The following ARHGEF28 variants were observed in gnomAD, a reference collection of about 807,000 sequenced individuals.
ARHGEF28 encodes the protein 190 kDa guanine nucleotide exchange factor.
A neutral mutation model predicts 206.6 loss-of-function variants in ARHGEF28; 152 were observed. That is an observed-to-expected ratio of 0.74 (90% CI 0.64 to 0.84). The LOEUF (loss-of-function observed/expected upper bound fraction) is 0.84. ARHGEF28 is among the 40% of genes least tolerant of loss of function. The pLI is 0.00. For missense variants in ARHGEF28, 2,028 were observed against 2,073.2 expected (o/e 0.98, Z 0.42); for synonymous variants, 763 against 776.4 (o/e 0.98, Z 0.29).
intron 1 of ARHGEF28, among the ~76,000 whole-genome samples, chr5:73,635,243 T>TA (rs2112125274): frequency 6.6e-6 from 1 of 152,260 alleles, no homozygotes; most frequent in African/African-American, 2.4e-5. Flanking sequence ...CTCGGGAGGC[T>TA]AAGGCAGGAG....
At chr5:73,709,899 A>G (rs571323322) in intron 2 of ARHGEF28, among the ~76,000 whole-genome samples, 1 of 152,194 alleles carries the variant, frequency 6.6e-6, no homozygotes, top group Non-Finnish European at 1.5e-5. Context: ...TTTTGTGTGA[A>G]ACAATAGTTT....
intron 10 of ARHGEF28, among the ~76,000 whole-genome samples, chr5:73,837,268 G>A (rs1054066161): frequency 1.3e-5 from 2 of 151,924 alleles, no homozygotes; most frequent in African/African-American, 4.8e-5. Flanking sequence ...TGGATATTTT[G>A]ACAACATGAG....
chr5:73,909,891 C>T lies in ARHGEF28; in HGVS notation c.4641C>T (p.Gly1547=). 1.3e-6 allele frequency: 2 copies of T among 1,507,592 alleles called. No individual in the cohort carries two copies. The highest frequency in any genetic ancestry group is 2.2e-5 in the Admixed American group (1 of 44,794). The allele number at this position is 1,507,592 out of a possible 1,614,324, so 93.4% of individuals were successfully genotyped here. A position where few individuals can be genotyped will look rare whatever the true frequency, so the allele number is the denominator to read the frequency against. The change falls in exon 34 of 36, where the codon GGC becomes GGT. Residue 1547 remains glycine, a synonymous_variant. Transcript: ENST00000513042. ...RSLPAVLLPG[G]PEVMELNRSE... ...TGCCCGCGGTGCTCCTTCCGGGTGG[C>T]CCCGAGGTATGGACCTTCTGCGGTG...
chr5:73,722,043 C>A (rs1484988508), intron 2 of ARHGEF28, among the ~76,000 whole-genome samples: 1 of 152,164 alleles, frequency 6.6e-6, no homozygotes, highest in African/African-American at 2.4e-5. Flanking sequence ...CAATTATGAT[C>A]TTTTGCTGCT....
intron 4 of ARHGEF28, among the ~76,000 whole-genome samples, chr5:73,767,859 T>G (rs1441794562): frequency 6.6e-6 from 1 of 152,136 alleles, no homozygotes; most frequent in East Asian, 1.9e-4. Flanking sequence ...GCCCCTCCCA[T>G]TATAGGCCCA....
intron 7 of ARHGEF28, chr5:73,786,440 T>C (rs1182616173): frequency 6.6e-6 from 1 of 152,234 alleles, no homozygotes. Context: ...GCGTCTGGAC[T>C]GCTCGTCTAG....
chr5:73,777,382 A>G (rs1753600574), intron 6 of ARHGEF28, among the ~76,000 whole-genome samples: 1 of 152,128 alleles, frequency 6.6e-6, no homozygotes, highest in African/African-American at 2.4e-5. Flanking sequence ...TCCGGGGTCT[A>G]TTGAACACAC....
chr5:73,839,480 A>T (rs552569221), intron 10 of ARHGEF28, among the ~76,000 whole-genome samples: 2 of 152,124 alleles, frequency 1.3e-5, no homozygotes, highest in East Asian at 3.9e-4. Flanking sequence ...CTCACTCCAG[A>T]CTTGATGCCT....
rs746377315 is a variant in ARHGEF28, at chr5:73,909,881, T to A, written c.4631T>A (p.Leu1544His). The A allele has an allele frequency of 6.6e-7, 1 of 1,514,158 alleles. No individual in the cohort carries two copies. The allele number at this position is 1,514,158 out of a possible 1,614,324, so 93.8% of individuals were successfully genotyped here. The change falls in exon 34 of 36, where the codon CTT (leucine) becomes CAT (histidine). Residue 1544 changes from leucine (L) to histidine (H), a missense_variant. By Grantham distance (99) the Leu-to-His change is moderately conservative (BLOSUM62 -3). Transcript: ENST00000513042. ...CAGAGGAGCCTGCCCGCGGTGCTCCTTCCGGGTGGCCCCGAGGTATGGACC... is the reference window on the plus strand; with the variant it reads ...CAGAGGAGCCTGCCCGCGGTGCTCCATCCGGGTGGCCCCGAGGTATGGACC... ...GRQRSLPAVL[L>H]PGGPEVMELN...
intron 1 of ARHGEF28, 41 bp from the exon 2 acceptor site, chr5:73,684,800 C>A (rs534930574): frequency 6.4e-5 from 102 of 1,583,942 alleles, no homozygotes; most frequent in Non-Finnish European, 8.8e-5. Context: ...TTCCATGGGG[C>A]CTCCTGCAAT....
intron 1 of ARHGEF28, among the ~76,000 whole-genome samples, chr5:73,677,449 A>G (rs10942684): frequency 0.45 from 68,571 of 152,096 alleles, 16,709 homozygotes; most frequent in East Asian, 0.78. Context: ...ACAAAATTAA[A>G]GTGATAGGTT....
At chr5:73,661,659 T>A (rs1009436744) in intron 1 of ARHGEF28, among the ~76,000 whole-genome samples, 16 of 151,988 alleles carry the variant, frequency 1.1e-4, no homozygotes, top group Non-Finnish European at 2.1e-4. Context: ...CTAATTTCAA[T>A]ATTGTGTCTC....
At chr5:73,810,695 G>A (rs1397049064) in intron 9 of ARHGEF28, among the ~76,000 whole-genome samples, 2 of 152,152 alleles carry the variant, frequency 1.3e-5, no homozygotes, top group Admixed American at 1.3e-4. Context: ...CATCTGGGAT[G>A]GGAATCTCAT....
chr5:73,786,823 G>A (rs1309045537), intron 7 of ARHGEF28, among the ~76,000 whole-genome samples: 4 of 152,110 alleles, frequency 2.6e-5, no homozygotes, highest in East Asian at 3.9e-4. Context: ...TATAACACAC[G>A]CCTATGGTGG....
intron 1 of ARHGEF28, among the ~76,000 whole-genome samples, chr5:73,654,673 T>C (rs1054241495): frequency 6.6e-5 from 10 of 152,218 alleles, no homozygotes; most frequent in Admixed American, 6.5e-4. Context: ...GTGAACACAG[T>C]GGCATAATTA....
At chr5:73,842,325 G>C (rs571331687) in intron 11 of ARHGEF28, among the ~76,000 whole-genome samples, 3 of 152,202 alleles carry the variant, frequency 2.0e-5, no homozygotes, top group Non-Finnish European at 1.5e-5. Flanking sequence ...AGGTGAATGA[G>C]TATTCAGCAG....
In ARHGEF28 at chr5:73,671,777, A is replaced by C. The variant is rs1240766584; in HGVS notation, c.-11-13064A>C. Among the ~76,000 whole-genome samples the C allele has an allele frequency of 3.2e-5, 2 of 62,022 alleles. 1 individual carries two copies. The highest frequency in any genetic ancestry group is 9.7e-5 in the African/African-American group (2 of 20,724). The allele number at this position is 62,022 out of a possible 152,430, so 40.7% of individuals were successfully genotyped here. ...TTTTTTTTTTTTTTTTTTTTTTGAG[A>C]CGGAATCTCGCTCTGTCACCCAGGC... On this transcript the variant is annotated intron_variant, in intron 1 of 35. Transcript: ENST00000513042.
Position 73,875,145 on chromosome 5 carries a change from T to C in ARHGEF28, c.2814+1899T>C, listed in dbSNP as rs1167563509. ...GTGAGATGGTATCTCATTGTGGTTT[T>C]GATTTGCATTTCTCTGATGGCCAGT... On this transcript the variant is annotated intron_variant, in intron 22 of 35. Coordinates refer to ENST00000513042, the MANE Select transcript of ARHGEF28 (RefSeq NM_001177693.2). Among the ~76,000 whole-genome samples, 261 of 151,402 alleles carry C rather than the reference T, an allele frequency of 1.7e-3. 2 individuals carry two copies. Among genetic ancestry groups the C allele is most frequent in the African/African-American group, 5.9e-3 (245 of 41,312 alleles).
At chr5:73,721,498 C>T (rs1362922573) in intron 2 of ARHGEF28, among the ~76,000 whole-genome samples, 1 of 152,166 alleles carries the variant, frequency 6.6e-6, no homozygotes, top group Non-Finnish European at 1.5e-5. Flanking sequence ...ATATTTTCCC[C>T]CCAGAAGCTG....
Sources: gnomAD v4.1 joint callset for allele counts (sites outside exome capture counted in the v4.1 genomes callset) on GRCh38, gnomAD v4.1.1 for gene constraint, MANE v1.5 for transcripts, NCBI Gene and HGNC (gene_info 2026-07-23, HGNC 2026-07-21) for gene names.